The following GLCE variants were observed in gnomAD, a reference collection of about 807,000 sequenced individuals.
GLCE encodes glucuronic acid epimerase, also known as D-glucuronyl C5-epimerase.
Under a neutral mutation model 47.9 loss-of-function variants are expected in GLCE, and 19 were observed. The ratio of observed to expected loss-of-function variants is 0.40; its 90% CI spans 0.28 to 0.58. The LOEUF is 0.58. GLCE is among the 20% of genes least tolerant of loss of function. The pLI, the probability that GLCE is intolerant of heterozygous loss-of-function variation, is 0.48. For synonymous variants in GLCE, 245 were observed against 263.4 expected, an observed-to-expected ratio of 0.93 and a Z score of 0.68; for missense variants, 556 against 743.3, an observed-to-expected ratio of 0.75 and a Z score of 2.93.
chr15:69,253,169 C>T (rs1035243010), intron 2 of GLCE, among the ~76,000 whole-genome samples: 8 of 152,200 alleles, frequency 5.3e-5, no homozygotes, highest in African/African-American at 1.9e-4. Flanking sequence ...CACTTGAATA[C>T]AGATAGCTGG....
intron 1 of GLCE, among the ~76,000 whole-genome samples, chr15:69,188,384 T>C (rs1174092054): frequency 2.0e-5 from 3 of 152,240 alleles, no homozygotes; most frequent in Non-Finnish European, 2.9e-5. Context: ...TCTTATAATA[T>C]CTTAGTTTGG....
chr15:69,199,625 G>T (rs1036884733), intron 1 of GLCE, among the ~76,000 whole-genome samples: 1 of 152,134 alleles, frequency 6.6e-6, no homozygotes, highest in African/African-American at 2.4e-5. Context: ...TTTTATAGTT[G>T]AGGAAATGGC....
intron 1 of GLCE, among the ~76,000 whole-genome samples, chr15:69,176,235 T>TTTTG (rs2051662796): frequency 2.1e-5 from 3 of 143,460 alleles, no homozygotes; most frequent in Non-Finnish European, 4.6e-5. Flanking sequence ...TTTTTTTTTT[T>TTTTG]TTTTTGAGAC....
intron 1 of GLCE, among the ~76,000 whole-genome samples, chr15:69,204,277 C>CTTT (rs57376738): frequency 4.4e-4 from 39 of 88,348 alleles, no homozygotes; most frequent in East Asian, 9.8e-4. Flanking sequence ...GATTGTTTTA[C>CTTT]TTTTTTTTTT....
rs541452786 is a variant in GLCE at position 69,251,898 on chromosome 15, G to A, written c.-13-3896G>A. Among the ~76,000 whole-genome samples the A allele has an allele frequency of 4.6e-5, 7 of 152,230 alleles. No homozygotes were observed. The South Asian group carries it at 1.5e-3, about 32-fold the overall frequency. Reference sequence around the variant, plus strand: ...AAAAGTATATAGTGAGTGGTATACTGAACTTCCAATATATCTGTCACTCTC... The same window carrying A: ...AAAAGTATATAGTGAGTGGTATACTAAACTTCCAATATATCTGTCACTCTC... On this transcript the variant is annotated intron_variant, in intron 2 of 4. Coordinates refer to ENST00000261858, the MANE Select transcript of GLCE (RefSeq NM_015554.3).
chr15:69,235,093 C>CTTTTTTTT lies in GLCE; in HGVS notation c.-13-20676_-13-20669dup, dbSNP rs869212730. Among the ~76,000 whole-genome samples the CTTTTTTTT allele has an allele frequency of 4.3e-4, 27 of 62,884 alleles. 3 individuals carry two copies. The highest frequency in any genetic ancestry group is 9.7e-4 in the African/African-American group (13 of 13,350). 41.3% of individuals were successfully genotyped at this position (62,884 alleles called of 152,430 possible). Reference sequence around the variant, plus strand: ...CTGATACAGATAGATGAAGATTATTCTTTTTTTTTTTTTTTTTTTTTTTTT... The same window carrying CTTTTTTTT: ...CTGATACAGATAGATGAAGATTATTCTTTTTTTTTTTTTTTTTTTTTTTTTTTTTTTTT... On this transcript the variant is annotated intron_variant, in intron 2 of 4. Coordinates refer to ENST00000261858, the MANE Select transcript of GLCE (RefSeq NM_015554.3).
chr15:69,269,359 A>G lies in GLCE; in HGVS notation c.*115A>G. 6.3e-6 allele frequency: 5 copies of G among 790,232 alleles called. No homozygotes were observed. Among genetic ancestry groups the G allele is most frequent in the Non-Finnish European group, 1.0e-5 (5 of 489,954 alleles). 49.0% of individuals were successfully genotyped at this position (790,232 alleles called of 1,614,324 possible). ...TATGTACTAGGTTTTTGTGGATTCT[A>G]TCAAAGTGATAAGTGATCCTTAAAA... On this transcript the variant is annotated 3_prime_UTR_variant, in exon 5 of 5. Transcript: ENST00000261858.
At chr15:69,169,524 A>G (rs2051556441) in intron 1 of GLCE, among the ~76,000 whole-genome samples, 1 of 149,218 alleles carries the variant, frequency 6.7e-6, no homozygotes, top group East Asian at 2.1e-4. Context: ...TACATTAGGT[A>G]TATCTCCTAA....
intron 1 of GLCE, among the ~76,000 whole-genome samples, chr15:69,205,813 G>A (rs1047308444): frequency 6.6e-6 from 1 of 152,044 alleles, no homozygotes; most frequent in Non-Finnish European, 1.5e-5. Context: ...CAGGTCCTTT[G>A]ACCATTAAAA....
At chr15:69,259,154 T>C (rs1595788567) in intron 3 of GLCE, among the ~76,000 whole-genome samples, 1 of 152,344 alleles carries the variant, frequency 6.6e-6, no homozygotes, top group East Asian at 1.9e-4. Context: ...CAGATATCTT[T>C]TTCTTATGCT....
chr15:69,262,658 C>T (rs1314431830), intron 4 of GLCE, among the ~76,000 whole-genome samples: 2 of 152,138 alleles, frequency 1.3e-5, no homozygotes, highest in Non-Finnish European at 2.9e-5. Context: ...TAGGTCCCCA[C>T]ATCTTAAATG....
At chr15:69,166,363 T>G (rs2051501181) in intron 1 of GLCE, among the ~76,000 whole-genome samples, 1 of 152,228 alleles carries the variant, frequency 6.6e-6, no homozygotes, top group Non-Finnish European at 1.5e-5. Flanking sequence ...GCTTATTCAG[T>G]GTTTAAAATT....
chr15:69,268,416 G>A lies in GLCE; in HGVS notation c.1026G>A (p.Gly342=), dbSNP rs1267120820. Residue 342 remains glycine, a synonymous_variant, in exon 5 of 5, where the codon GGG becomes GGA. Coordinates refer to ENST00000261858, the MANE Select transcript of GLCE (RefSeq NM_015554.3). The part of the protein sequence containing the change: ...FKERDIYYGI[G]PRTSWSTVTR... The stretch of plus-strand genomic sequence containing the variant: ...AAAGAGATATATACTATGGCATTGG[G>A]CCCAGAACTTCATGGAGCACAGTTA... 6.2e-7 allele frequency: 1 copy of A among 1,613,936 alleles called. No homozygotes were observed. Among genetic ancestry groups the A allele is most frequent in the Non-Finnish European group, 8.5e-7 (1 of 1,179,838 alleles).
intron 2 of GLCE, among the ~76,000 whole-genome samples, chr15:69,221,908 C>G (rs1327590641): frequency 6.6e-6 from 1 of 151,262 alleles, no homozygotes; most frequent in Non-Finnish European, 1.5e-5. Context: ...TTTAGAGTTG[C>G]CAGAGTTCTT....
intron 2 of GLCE, among the ~76,000 whole-genome samples, chr15:69,230,650 T>C (rs1337961234): frequency 2.6e-5 from 4 of 152,222 alleles, no homozygotes; most frequent in East Asian, 1.9e-4. Flanking sequence ...ATCAAAGTAG[T>C]GTTAAAGTGC....
rs181433672 is a variant in GLCE at position 69,242,811 on chromosome 15, G to A, written c.-13-12983G>A. Among the ~76,000 whole-genome samples the A allele has an allele frequency of 7.3e-3, 1,108 of 151,932 alleles. 14 individuals are homozygous for A. The highest frequency in any genetic ancestry group is 0.025 in the African/African-American group (1,020 of 41,428). On this transcript the variant is annotated intron_variant, in intron 2 of 4. Transcript: ENST00000261858. ...TGTAATCCCAGCACTTTGGGAAGCC[G>A]AGGCAGGGGGTGTTGCTTGAGTTCA...
chr15:69,258,561 T>C (rs959742001), intron 3 of GLCE, among the ~76,000 whole-genome samples: 1 of 152,158 alleles, frequency 6.6e-6, no homozygotes, highest in Non-Finnish European at 1.5e-5. Flanking sequence ...TCCAGGTTTT[T>C]TATGTTTTTT....
intron 2 of GLCE, among the ~76,000 whole-genome samples, chr15:69,225,891 C>G (rs947509242): frequency 9.2e-5 from 14 of 151,942 alleles, no homozygotes; most frequent in African/African-American, 3.4e-4. Context: ...GGATTCAAAC[C>G]CAGAAAAAAA....
intron 1 of GLCE, among the ~76,000 whole-genome samples, chr15:69,200,767 G>A (rs2052066970): frequency 6.6e-6 from 1 of 152,050 alleles, no homozygotes; most frequent in Admixed American, 6.6e-5. Flanking sequence ...TACAAACTTG[G>A]TAGCTTAAAC....
Sources: gnomAD v4.1 joint callset for allele counts (sites outside exome capture counted in the v4.1 genomes callset) on GRCh38, gnomAD v4.1.1 for gene constraint, MANE v1.5 for transcripts, NCBI Gene and HGNC (gene_info 2026-07-23, HGNC 2026-07-21) for gene names.